Variants in PTCHD4 observed in about 807,000 individuals in gnomAD.
The protein encoded by PTCHD4 is patched domain containing 4.
A neutral mutation model predicts 58.1 loss-of-function variants in PTCHD4; 33 were observed. The ratio of observed to expected loss-of-function variants is 0.57; its 90% CI spans 0.43 to 0.76. The LOEUF (loss-of-function observed/expected upper bound fraction) is 0.76, where lower values mean the gene tolerates loss of function less well. PTCHD4 is among the 30% of genes least tolerant of loss of function. The pLI is 0.00. For missense variants in PTCHD4, 1,058 were observed against 1,027.1 expected (o/e 1.03, Z -0.41); for synonymous variants, 478 against 409.6 (o/e 1.17, Z -2.02).
At chr6:48,063,940 A>G (rs1377860277) in intron 3 of PTCHD4, among the ~76,000 whole-genome samples, 2 of 152,176 alleles carry the variant, frequency 1.3e-5, no homozygotes, top group South Asian at 2.1e-4. Context: ...ATTAACGGCA[A>G]CATCTTCCAA....
chr6:48,037,220 G>A (rs1011228982), intron 3 of PTCHD4, among the ~76,000 whole-genome samples: 1 of 152,108 alleles, frequency 6.6e-6, no homozygotes, highest in Non-Finnish European at 1.5e-5. Context: ...TTTTACTACA[G>A]TATATTGTTA....
intron 4 of PTCHD4, among the ~76,000 whole-genome samples, chr6:47,985,232 A>G (rs975375795): frequency 1.3e-5 from 2 of 152,094 alleles, no homozygotes; most frequent in Admixed American, 1.3e-4. Flanking sequence ...CATCATGCTG[A>G]TAGAATTGAT....
chr6:47,904,370 T>C (rs1051594176), intron 4 of PTCHD4, among the ~76,000 whole-genome samples: 2 of 152,240 alleles, frequency 1.3e-5, no homozygotes, highest in African/African-American at 4.8e-5. Context: ...CGGCCTGTTT[T>C]GGAAATAAAT....
intron 4 of PTCHD4, among the ~76,000 whole-genome samples, chr6:47,924,872 A>G (rs1029521848): frequency 2.0e-5 from 3 of 152,046 alleles, no homozygotes; most frequent in African/African-American, 7.2e-5. Flanking sequence ...CGCCTTATAT[A>G]ACACAGCATT....
chr6:48,008,617 C>G lies in PTCHD4; in HGVS notation c.898+17G>C. On this transcript the variant is annotated intron_variant, in intron 4 of 4. Transcript: ENST00000339488. ...CAAACCGGTAAGAATCCGATTACCA[C>G]AAGGATGGATAGTTACCCATGGCGA... 1.2e-6 allele frequency: 2 copies of G among 1,609,004 alleles called. No homozygotes were observed. The highest frequency in any genetic ancestry group is 1.7e-6 in the Non-Finnish European group (2 of 1,177,148).
chr6:48,041,118 T>A (rs1397833153), intron 3 of PTCHD4, among the ~76,000 whole-genome samples: 2 of 152,090 alleles, frequency 1.3e-5, no homozygotes, highest in Non-Finnish European at 2.9e-5. Context: ...GTTTCCTAAA[T>A]AAACTTAGCA....
At chr6:47,899,848 G>T (rs572509043) in intron 4 of PTCHD4, 1 of 152,020 alleles carries the variant, frequency 6.6e-6, no homozygotes. Context: ...CTACATATTT[G>T]CCTACTCTGA....
chr6:48,069,147 G>C lies in PTCHD4; in HGVS notation c.-190C>G, dbSNP rs1010420186. On this transcript the variant is annotated 5_prime_UTR_variant, in exon 2 of 5. Transcript: ENST00000339488. ...CAGACATGTGCCCCATAAAGGGGGG[G>C]GGGGCTGAGGGGGGGAGAGGAGGGA... Among the ~76,000 whole-genome samples the C allele has an allele frequency of 5.7e-5, 8 of 139,302 alleles. No homozygotes were observed. Among genetic ancestry groups the C allele is most frequent in the South Asian group, 5.4e-4 (2 of 3,694 alleles). 91.4% of individuals were successfully genotyped at this position (139,302 alleles called of 152,430 possible).
intron 3 of PTCHD4, among the ~76,000 whole-genome samples, chr6:48,039,693 T>G (rs900301486): frequency 6.6e-6 from 1 of 152,104 alleles, no homozygotes; most frequent in African/African-American, 2.4e-5. Flanking sequence ...GTGATGATAT[T>G]CAATTAGATG....
chr6:48,020,632 T>C lies in PTCHD4; in HGVS notation c.418-11518A>G, dbSNP rs564895647. On this transcript the variant is annotated intron_variant, in intron 3 of 4. Transcript: ENST00000339488. ...AAAGACAAATAAAGGGAGGATAAAG[T>C]CTTTTCTTTGAAGAGTTTATATTTT... 2.4e-4 allele frequency among the ~76,000 whole-genome samples: 36 copies of C among 152,222 alleles called. No individual in the cohort carries two copies. In the South Asian group the frequency reaches 7.0e-3, roughly 30 times the overall value.
chr6:48,012,910 C>T (rs1386689247), intron 3 of PTCHD4, among the ~76,000 whole-genome samples: 4 of 152,062 alleles, frequency 2.6e-5, no homozygotes, highest in Non-Finnish European at 5.9e-5. Context: ...GCCTTGCATC[C>T]CAGGGATGAA....
chr6:48,063,893 G>T (rs1237117418), intron 3 of PTCHD4, among the ~76,000 whole-genome samples: 1 of 152,086 alleles, frequency 6.6e-6, no homozygotes, highest in Non-Finnish European at 1.5e-5. Context: ...TTTCATGTTG[G>T]CTTAAGTTAC....
intron 3 of PTCHD4, among the ~76,000 whole-genome samples, chr6:48,024,530 CT>C (rs751589105): frequency 6.6e-6 from 1 of 152,144 alleles, no homozygotes; most frequent in Non-Finnish European, 1.5e-5. Context: ...GCTTTCTCTA[CT>C]CTGGAAAACA....
intron 3 of PTCHD4, among the ~76,000 whole-genome samples, chr6:48,029,598 G>A (rs1157181201): frequency 6.6e-6 from 1 of 151,992 alleles, no homozygotes; most frequent in African/African-American, 2.4e-5. Context: ...TAGCCATTTA[G>A]TAAAATATGC....
At chr6:47,880,001 T>G in intron 4 of PTCHD4, 65 bp from the exon 5 acceptor site, 2 of 1,247,528 alleles carry the variant, frequency 1.6e-6, no homozygotes, top group Non-Finnish European at 2.2e-6. Flanking sequence ...AGTGAATTCC[T>G]TATAGTTTAT....
At chr6:48,081,007 A>G (rs1765156875) in intron 1 of PTCHD4, among the ~76,000 whole-genome samples, 1 of 152,214 alleles carries the variant, frequency 6.6e-6, no homozygotes. Flanking sequence ...ATGCAGGGGC[A>G]GAAGTAGCAA....
intron 1 of PTCHD4, among the ~76,000 whole-genome samples, chr6:48,095,740 A>T (rs1207284071): frequency 6.6e-6 from 1 of 151,822 alleles, no homozygotes; most frequent in Non-Finnish European, 1.5e-5. Flanking sequence ...ACCAAAAAAA[A>T]AAAAAAACAA....
chr6:48,096,098 A>C (rs1341480356), intron 1 of PTCHD4, among the ~76,000 whole-genome samples: 1 of 152,236 alleles, frequency 6.6e-6, no homozygotes, highest in African/African-American at 2.4e-5. Context: ...AATCAATTAT[A>C]GATAACCTAA....
intron 4 of PTCHD4, among the ~76,000 whole-genome samples, chr6:47,941,086 C>T (rs754882968): frequency 1.4e-4 from 21 of 152,270 alleles, no homozygotes; most frequent in Admixed American, 9.8e-4. Context: ...CAACTCAGCC[C>T]GCCTCCGTAC....
Sources: allele counts gnomAD v4.1 joint callset (sites outside exome capture counted in the v4.1 genomes callset), GRCh38; gene constraint gnomAD v4.1.1; transcripts MANE v1.5; gene names NCBI Gene and HGNC (gene_info 2026-07-23, HGNC 2026-07-21).